TMC3: variants seen among roughly 807,000 people sequenced by gnomAD.
The protein encoded by TMC3 is transmembrane channel like 3.
Under a neutral mutation model 110.6 loss-of-function variants are expected in TMC3, and 98 were observed. The ratio of observed to expected loss-of-function variants is 0.89; its 90% CI spans 0.75 to 1.05. The LOEUF is 1.05. Ranked by LOEUF, TMC3 falls within the 50% of genes least tolerant of loss-of-function variation. The probability of loss-of-function intolerance (pLI) is 0.00; values close to 1 mark genes in which losing one functional copy is unlikely to be tolerated. For missense variants in TMC3, 1,319 were observed against 1,373.2 expected (o/e 0.96, Z 0.62); for synonymous variants, 489 against 513.1 (o/e 0.95, Z 0.63).
At chr15:81,343,825 C>T (rs1450757765) in intron 14 of TMC3, 92 bp downstream of exon 14, 2 of 1,433,102 alleles carry the variant, frequency 1.4e-6, no homozygotes, top group East Asian at 4.8e-5. Context: ...GTGTGTCCCC[C>T]TCAACTATGC....
In TMC3 at chr15:81,358,136, T is replaced by A; in HGVS notation, c.743+13A>T. On this transcript the variant is annotated intron_variant, in intron 7 of 21. Transcript: ENST00000359440. ...ACGCTTGATATGTATTTTGAGAAAT[T>A]GAGCAGTCATACTTTTTTAAAAGAA... The A allele has an allele frequency of 6.4e-7, 1 of 1,571,978 alleles. No homozygotes were observed. The highest frequency in any genetic ancestry group is 8.6e-7 in the Non-Finnish European group (1 of 1,161,560).
Position 81,355,779 on chromosome 15 carries a change from AATAC to A in TMC3, c.892-15_892-12del, listed in dbSNP as rs758645095. ...TTCCAATATAGCTTCCTTTAAGAAAAATACATACAGCAATAAAAGCTTAGCATCA... is the reference window on the plus strand; with the variant it reads ...TTCCAATATAGCTTCCTTTAAGAAAAATACAGCAATAAAAGCTTAGCATCA... On this transcript the variant is annotated splice_polypyrimidine_tract_variant and intron_variant, in intron 8 of 21. Transcript: ENST00000359440. 3.4e-5 allele frequency: 52 copies of A among 1,550,588 alleles called. No individual in the cohort carries two copies. Among genetic ancestry groups the A allele is most frequent in the South Asian group, 8.0e-5 (7 of 87,006 alleles).
intron 4 of TMC3, among the ~76,000 whole-genome samples, chr15:81,359,868 T>G (rs1469452684): frequency 6.6e-6 from 1 of 152,268 alleles, no homozygotes; most frequent in East Asian, 1.9e-4. Flanking sequence ...AGGGTCTTTT[T>G]GCCTTAATTT....
At position 81,332,142 on chromosome 15, in the gene TMC3, C is replaced by A. The variant is rs1011401345; in HGVS notation, c.*277G>T. The A allele has an allele frequency of 1.7e-5, 6 of 361,982 alleles. No individual in the cohort carries two copies. The highest frequency in any genetic ancestry group is 2.5e-5 in the Non-Finnish European group (5 of 201,450). The allele number at this position is 361,982 out of a possible 1,614,324, so 22.4% of individuals were successfully genotyped here. A position where few individuals can be genotyped will look rare whatever the true frequency, so the allele number is the denominator to read the frequency against. ...AGCCCCTCTGCCAAATTCTTTCTTC[C>A]GAGGAGGCAAGTATTGAGATTGCTG... On this transcript the variant is annotated 3_prime_UTR_variant, in exon 22 of 22. Transcript: ENST00000359440.
chr15:81,368,385 A>G, intron 2 of TMC3, 57 bp from the exon 3 acceptor site: 1 of 1,295,330 alleles, frequency 7.7e-7, no homozygotes, highest in Non-Finnish European at 1.1e-6. Flanking sequence ...CAATTTCTGC[A>G]AAATGTGTAA....
At chr15:81,369,451 C>T (rs911508349) in intron 2 of TMC3, among the ~76,000 whole-genome samples, 1 of 152,154 alleles carries the variant, frequency 6.6e-6, no homozygotes, top group African/African-American at 2.4e-5. Flanking sequence ...CCATGACTAC[C>T]ATGTTGGGAC....
intron 9 of TMC3, among the ~76,000 whole-genome samples, chr15:81,353,361 A>C (rs1051632998): frequency 1.3e-5 from 2 of 152,230 alleles, no homozygotes; most frequent in Admixed American, 1.3e-4. Context: ...GCCTAAATGT[A>C]CAGTGTTTAT....
rs137890675 is a variant in TMC3, at chr15:81,362,775, G to T, written c.313-474C>A. On this transcript the variant is annotated intron_variant, in intron 3 of 21. Transcript: ENST00000359440. The stretch of plus-strand genomic sequence containing the variant: ...CTTGATCCTGTCATAAACCTAAGGG[G>T]ATTCTGAGAGTGTGCCCCAGGAATC... 6.4e-4 allele frequency among the ~76,000 whole-genome samples: 98 copies of T among 152,244 alleles called. No homozygotes were observed. In the East Asian group the frequency reaches 0.018, roughly 28 times the overall value.
intron 9 of TMC3, among the ~76,000 whole-genome samples, chr15:81,353,463 A>G (rs1394131013): frequency 6.6e-6 from 1 of 152,214 alleles, no homozygotes; most frequent in East Asian, 1.9e-4. Flanking sequence ...CCAGTCCTGT[A>G]AGCTAATTCA....
In TMC3 at chr15:81,341,517, T is replaced by A. The variant is rs2141696994; in HGVS notation, c.1717A>T (p.Met573Leu). 2 of 1,609,414 alleles carry A rather than the reference T, an allele frequency of 1.2e-6. No homozygotes were observed. The highest frequency in any genetic ancestry group is 2.7e-5 in the African/African-American group (2 of 74,958). The change falls in exon 16 of 22, where the codon ATG becomes TTG. Residue 573 changes from methionine (M) to leucine (L), a missense_variant and splice_region_variant. By Grantham distance (15) the Met-to-Leu change is conservative. Coordinates refer to ENST00000359440, the MANE Select transcript of TMC3 (RefSeq NM_001080532.3). ...HLVYNQGMIW[M>L]GAFFSPCLPA... ...AGACATGGGGAGAAGAAGGCCCCCA[T>A]CCTGGAACCATGAGGAAGGTCAGTT...
chr15:81,371,059 G>A (rs1432382023), intron 2 of TMC3, among the ~76,000 whole-genome samples: 1 of 152,046 alleles, frequency 6.6e-6, no homozygotes, highest in African/African-American at 2.4e-5. Flanking sequence ...AGAGAAAACT[G>A]TACTTGGAAT....
At chr15:81,345,044 A>G in intron 12 of TMC3, 33 bp from the exon 13 acceptor site, 2 of 1,548,294 alleles carry the variant, frequency 1.3e-6, no homozygotes, top group Non-Finnish European at 1.7e-6. Flanking sequence ...AGAGGGAAGC[A>G]GGGGAGAAAG....
At chr15:81,362,948 A>G (rs1442979838) in intron 3 of TMC3, among the ~76,000 whole-genome samples, 2 of 152,172 alleles carry the variant, frequency 1.3e-5, no homozygotes, top group Non-Finnish European at 2.9e-5. Flanking sequence ...TGTCAGGGAT[A>G]AGGTCTAAAA....
intron 21 of TMC3, among the ~76,000 whole-genome samples, chr15:81,334,190 G>A (rs900157094): frequency 2.0e-5 from 3 of 152,028 alleles, no homozygotes; most frequent in Admixed American, 6.6e-5. Context: ...GAGAGCCCCT[G>A]TATTTTATCT....
chr15:81,338,708 C>T lies in TMC3; in HGVS notation c.2028G>A (p.Val676=). The T allele has an allele frequency of 1.2e-6, 2 of 1,613,998 alleles. No individual in the cohort carries two copies. Among genetic ancestry groups the T allele is most frequent in the Non-Finnish European group, 1.7e-6 (2 of 1,179,892 alleles). The change falls in exon 18 of 22, where the codon GTG becomes GTA. Residue 676 remains valine, a synonymous_variant. Coordinates refer to ENST00000359440, the MANE Select transcript of TMC3 (RefSeq NM_001080532.3). ...EKDFPVWFGS[V]VGHISSPVVI... ...CCACGGGGCTACTGATGTGTCCAAC[C>T]ACGGAGCCAAACCACACAGGAAAGT...
At chr15:81,367,126 A>G (rs1338924601) in intron 3 of TMC3, among the ~76,000 whole-genome samples, 4 of 152,162 alleles carry the variant, frequency 2.6e-5, no homozygotes, top group Non-Finnish European at 5.9e-5. Flanking sequence ...AGAAAAATCT[A>G]TATGTGCAAA....
Position 81,356,546 on chromosome 15 carries a change from GT to G in TMC3, c.791del (p.Asn264ThrfsTer29), listed in dbSNP as rs1567067028. 2 of 1,585,126 alleles carry G rather than the reference GT, an allele frequency of 1.3e-6. No individual in the cohort carries two copies. Among genetic ancestry groups the G allele is most frequent in the South Asian group, 1.2e-5 (1 of 86,204 alleles). On this transcript the variant is annotated frameshift_variant, in exon 8 of 22. Transcript: ENST00000359440. LOFTEE classifies it high-confidence loss of function. ...RTSLASASNE[N>X]YTFCWRVFCA... ...AGAACACCCGCCAGCAGAAGGTATAGTTTTCATTGGAAGCACTGGCAAGACT... is the reference window on the plus strand; with the variant it reads ...AGAACACCCGCCAGCAGAAGGTATAGTTTCATTGGAAGCACTGGCAAGACT...
chr15:81,364,300 T>C (rs115629534), intron 3 of TMC3, among the ~76,000 whole-genome samples: 2,338 of 152,138 alleles, frequency 0.015, 85 homozygotes, highest in African/African-American at 0.054. Context: ...AGGAACTTCT[T>C]AAAGGAAAAT....
At chr15:81,358,656 T>G (rs552949485) in intron 5 of TMC3, among the ~76,000 whole-genome samples, 156 bp from the exon 6 acceptor site, 1 of 152,240 alleles carries the variant, frequency 6.6e-6, no homozygotes, top group Non-Finnish European at 1.5e-5. Flanking sequence ...AAAATTAATC[T>G]TGGGCGGCCA....
Sources: gnomAD v4.1 joint callset for allele counts (sites outside exome capture counted in the v4.1 genomes callset) on GRCh38, gnomAD v4.1.1 for gene constraint, MANE v1.5 for transcripts, NCBI Gene and HGNC (gene_info 2026-07-23, HGNC 2026-07-21) for gene names.